Variants in TEX9 observed in about 807,000 individuals in gnomAD.
TEX9 encodes testis-expressed protein 9.
A neutral mutation model predicts 59.6 loss-of-function variants in TEX9; 74 were observed. The observed-to-expected ratio is 1.24, with a 90% confidence interval of 1.03 to 1.51. The LOEUF is 1.51. TEX9 is among the 40% of genes most tolerant of loss of function. The probability of loss-of-function intolerance (pLI) is 0.00; values close to 1 mark genes in which losing one functional copy is unlikely to be tolerated. For missense variants in TEX9, 522 were observed against 447.8 expected, an observed-to-expected ratio of 1.17 and a Z score of -1.49; for synonymous variants, 186 against 152.2, an observed-to-expected ratio of 1.22 and a Z score of -1.64.
intron 1 of TEX9, among the ~76,000 whole-genome samples, chr15:56,300,711 GAGA>G (rs1567077621): frequency 2.9e-4 from 16 of 54,366 alleles, no homozygotes; most frequent in Admixed American, 8.5e-4. Context: ...GAGAGAGGGA[GAGA>G]GAGAGAGAGA....
intron 1 of TEX9, among the ~76,000 whole-genome samples, chr15:56,346,003 G>A (rs2046463397): frequency 6.6e-6 from 1 of 152,156 alleles, no homozygotes; most frequent in Non-Finnish European, 1.5e-5. Flanking sequence ...TGAGTGGAGT[G>A]CCTATCATAA....
intron 2 of TEX9, among the ~76,000 whole-genome samples, chr15:56,372,335 G>C (rs527589370): frequency 6.6e-6 from 1 of 151,166 alleles, no homozygotes; most frequent in African/African-American, 2.4e-5. Context: ...TTTTTCCCTG[G>C]GGGTGGAGAT....
At chr15:56,447,954 C>G (rs2050920127), downstream of TEX9, among the ~76,000 whole-genome samples, 1 of 152,132 alleles carries the variant, frequency 6.6e-6, no homozygotes, top group Non-Finnish European at 1.5e-5. Context: ...CAAATACATC[C>G]ATTTATTGCA....
At chr15:56,389,964 C>T (rs1380093393) in intron 6 of TEX9, among the ~76,000 whole-genome samples, 1 of 151,934 alleles carries the variant, frequency 6.6e-6, no homozygotes, top group Non-Finnish European at 1.5e-5. Flanking sequence ...GATTGGGTTG[C>T]ACCAACCATC....
chr15:56,380,354 T>G (rs1215990514), intron 3 of TEX9, among the ~76,000 whole-genome samples: 1 of 152,218 alleles, frequency 6.6e-6, no homozygotes, highest in African/African-American at 2.4e-5. Flanking sequence ...TTGTTACTGT[T>G]TCTGTCTTAC....
intron 12 of TEX9, among the ~76,000 whole-genome samples, chr15:56,430,397 C>A (rs933723046): frequency 9.2e-5 from 14 of 151,962 alleles, no homozygotes; most frequent in Non-Finnish European, 2.1e-4. Context: ...GTAGCAATGG[C>A]ATCTCCCCAT....
intron 1 of TEX9, among the ~76,000 whole-genome samples, chr15:56,350,897 CT>C (rs2046565812): frequency 6.6e-6 from 1 of 152,076 alleles, no homozygotes; most frequent in Non-Finnish European, 1.5e-5. Context: ...ATGATGAGTG[CT>C]TAAAGAAAGG....
At chr15:56,403,536 C>T (rs1250298553) in intron 9 of TEX9, among the ~76,000 whole-genome samples, 3 of 152,176 alleles carry the variant, frequency 2.0e-5, no homozygotes, top group African/African-American at 4.8e-5. Flanking sequence ...GAATCAATAT[C>T]GTGAAAATGG....
At chr15:56,436,003 T>C (rs1334062432) in intron 12 of TEX9, among the ~76,000 whole-genome samples, 1 of 152,030 alleles carries the variant, frequency 6.6e-6, no homozygotes, top group African/African-American at 2.4e-5. Flanking sequence ...AAAATCAATG[T>C]AATATACTTG....
At chr15:56,301,101 G>A (rs909059617) in intron 1 of TEX9, among the ~76,000 whole-genome samples, 3 of 152,290 alleles carry the variant, frequency 2.0e-5, no homozygotes, top group South Asian at 2.1e-4. Context: ...AAAGCTCAAT[G>A]AAATTTAAGA....
At chr15:56,441,863 G>GA (rs1364053753) in intron 12 of TEX9, among the ~76,000 whole-genome samples, 1 of 151,216 alleles carries the variant, frequency 6.6e-6, no homozygotes, top group East Asian at 1.9e-4. Flanking sequence ...AAATACAAAA[G>GA]AAAAAAATTA....
intron 12 of TEX9, chr15:56,443,755 C>T: frequency 5.6e-6 from 9 of 1,613,262 alleles, no homozygotes; most frequent in Non-Finnish European, 7.6e-6. Flanking sequence ...CTTCTTCCAT[C>T]TCCTCACGTT....
At chr15:56,388,440 A>G (rs750291886) in intron 4 of TEX9, 32 bp from the exon 5 acceptor site, 3 of 1,537,510 alleles carry the variant, frequency 2.0e-6, no homozygotes, top group Non-Finnish European at 2.7e-6. Flanking sequence ...GTCATCTATT[A>G]TTAATGTATA....
intron 1 of TEX9, among the ~76,000 whole-genome samples, chr15:56,267,826 C>T (rs1199818169): frequency 6.6e-6 from 1 of 152,066 alleles, no homozygotes; most frequent in Non-Finnish European, 1.5e-5. Flanking sequence ...TTTTTGGTTC[C>T]ATATGAACTT....
intron 1 of TEX9, among the ~76,000 whole-genome samples, chr15:56,252,759 A>G (rs1303956540): frequency 6.6e-6 from 1 of 152,092 alleles, no homozygotes; most frequent in Non-Finnish European, 1.5e-5. Flanking sequence ...TTCCAAATTT[A>G]GAGTCTAGGA....
At chr15:56,284,197 A>G (rs1419044260) in intron 1 of TEX9, among the ~76,000 whole-genome samples, 2 of 151,978 alleles carry the variant, frequency 1.3e-5, no homozygotes, top group Admixed American at 6.6e-5. Context: ...GGGTCTTGCT[A>G]TGTGGCCTGG....
At chr15:56,344,282 G>T (rs1163308119) in intron 1 of TEX9, among the ~76,000 whole-genome samples, 1 of 152,128 alleles carries the variant, frequency 6.6e-6, no homozygotes, top group East Asian at 1.9e-4. Flanking sequence ...TCCATCAACT[G>T]ATGAATGGAT....
intron 3 of TEX9, among the ~76,000 whole-genome samples, chr15:56,380,163 AT>A (rs2047659517): frequency 6.6e-6 from 1 of 151,776 alleles, no homozygotes; most frequent in Non-Finnish European, 1.5e-5. Context: ...CCTGATTTTT[AT>A]TTTTTGTGTG....
chr15:56,247,902 C>A (rs2043900970), intron 1 of TEX9, among the ~76,000 whole-genome samples: 1 of 152,188 alleles, frequency 6.6e-6, no homozygotes, highest in Admixed American at 6.5e-5. Flanking sequence ...TTTTCCATTG[C>A]AAGCTTTCTC....
Sources: gnomAD v4.1 joint callset for allele counts (sites outside exome capture counted in the v4.1 genomes callset) on GRCh38, gnomAD v4.1.1 for gene constraint, MANE v1.5 for transcripts, NCBI Gene and HGNC (gene_info 2026-07-23, HGNC 2026-07-21) for gene names.